Variants in LRP1B observed in about 807,000 individuals in gnomAD.
The protein encoded by LRP1B is low-density lipoprotein receptor-related protein 1B.
Under a neutral mutation model 556.6 loss-of-function variants are expected in LRP1B, and 217 were observed. The observed-to-expected ratio is 0.39, with a 90% CI of 0.35 to 0.44. The LOEUF (loss-of-function observed/expected upper bound fraction) is 0.44, where lower values mean the gene tolerates loss of function less well. Among genes scored for constraint, LRP1B ranks in the 20% least tolerant of loss-of-function variants. LRP1B has a pLI of 1.00. For missense variants in LRP1B, 5,053 were observed against 5,620.8 expected (o/e 0.90, Z 3.23); for synonymous variants, 2,047 against 1,865.8 (o/e 1.10, Z -2.50).
At chr2:140,367,556 T>G (rs1682818329) in intron 71 of LRP1B, among the ~76,000 whole-genome samples, 1 of 151,764 alleles carries the variant, frequency 6.6e-6, no homozygotes, top group African/African-American at 2.4e-5. Context: ...TATTTACAAT[T>G]AATCTCAATT....
chr2:140,391,718 C>T (rs1036231925), intron 66 of LRP1B, among the ~76,000 whole-genome samples: 3 of 152,024 alleles, frequency 2.0e-5, no homozygotes, highest in Admixed American at 6.6e-5. Flanking sequence ...AATTTAAGCT[C>T]CAGAATTTGA....
intron 7 of LRP1B, among the ~76,000 whole-genome samples, chr2:141,168,568 C>T (rs1469589248): frequency 6.6e-6 from 1 of 151,846 alleles, no homozygotes; most frequent in East Asian, 1.9e-4. Context: ...AAAGAAAAGA[C>T]CATGAAAGAA....
intron 43 of LRP1B, among the ~76,000 whole-genome samples, chr2:140,587,843 G>A (rs764935425): frequency 2.0e-4 from 30 of 152,064 alleles, no homozygotes; most frequent in East Asian, 3.9e-4. Context: ...TAATAGCAGC[G>A]AGGGGGAAAT....
At chr2:140,741,411 G>T (rs1380195208) in intron 35 of LRP1B, among the ~76,000 whole-genome samples, 1 of 152,060 alleles carries the variant, frequency 6.6e-6, no homozygotes, top group Non-Finnish European at 1.5e-5. Context: ...ACATGACTCT[G>T]AAGATGACAG....
intron 7 of LRP1B, among the ~76,000 whole-genome samples, chr2:141,130,653 TAGAAAA>T (rs1376805304): frequency 6.6e-6 from 1 of 152,072 alleles, no homozygotes; most frequent in Non-Finnish European, 1.5e-5. Context: ...CTGATTATAA[TAGAAAA>T]AGAAAAGATA....
In LRP1B at chr2:141,413,868, GGAGAGA is replaced by G. The variant is rs139239783; in HGVS notation, c.343+66522_343+66527del. Reference sequence around the variant, plus strand: ...TCTCCCAACCTGGGTGACACAGTGAGGAGAGAGAGAGAGAGAGAGAGAGACCATGAG... The same window carrying G: ...TCTCCCAACCTGGGTGACACAGTGAGGAGAGAGAGAGAGAGAGACCATGAG... On this transcript the variant is annotated intron_variant, in intron 3 of 90. Coordinates refer to ENST00000389484, the MANE Select transcript of LRP1B (RefSeq NM_018557.3). Among the ~76,000 whole-genome samples, 23 of 148,218 alleles carry G rather than the reference GGAGAGA, an allele frequency of 1.6e-4. 1 individual carries two copies. The highest frequency in any genetic ancestry group is 3.5e-3 in the Middle Eastern group (1 of 286).
At chr2:140,632,632 A>G (rs957075647) in intron 41 of LRP1B, among the ~76,000 whole-genome samples, 38 of 152,240 alleles carry the variant, frequency 2.5e-4, no homozygotes, top group Admixed American at 9.8e-4. Flanking sequence ...GACAAATTAC[A>G]ATATGGTACA....
At chr2:142,104,093 G>T (rs2104974683) in intron 1 of LRP1B, among the ~76,000 whole-genome samples, 1 of 152,200 alleles carries the variant, frequency 6.6e-6, no homozygotes, top group South Asian at 2.1e-4. Flanking sequence ...TTTCTTCCAA[G>T]AGGATATTTA....
intron 66 of LRP1B, among the ~76,000 whole-genome samples, chr2:140,426,315 A>T (rs1685650744): frequency 6.6e-6 from 1 of 152,238 alleles, no homozygotes; most frequent in Admixed American, 6.5e-5. Flanking sequence ...GAATTCTGAA[A>T]GAAAAAATGT....
chr2:141,047,246 G>C (rs1698902054), intron 11 of LRP1B, among the ~76,000 whole-genome samples: 1 of 151,938 alleles, frequency 6.6e-6, no homozygotes, highest in Admixed American at 6.6e-5. Context: ...AATTTAAAGT[G>C]AAAATCTTAA....
chr2:142,055,079 C>T (rs181401088), intron 1 of LRP1B, among the ~76,000 whole-genome samples: 213 of 152,132 alleles, frequency 1.4e-3, no homozygotes, highest in African/African-American at 4.9e-3. Flanking sequence ...ATGTCGGTAA[C>T]CATTCTAAGT....
chr2:141,061,431 G>A (rs1238971634), intron 8 of LRP1B, among the ~76,000 whole-genome samples: 1 of 151,638 alleles, frequency 6.6e-6, no homozygotes, highest in African/African-American at 2.4e-5. Flanking sequence ...AGTAAATAAG[G>A]CTGATTTCTA....
intron 1 of LRP1B, among the ~76,000 whole-genome samples, chr2:141,935,772 G>T (rs796074549): frequency 5.3e-5 from 8 of 152,246 alleles, no homozygotes; most frequent in African/African-American, 1.9e-4. Context: ...GATACTTATT[G>T]CAAGTGTTTT....
chr2:140,327,356 A>G (rs1292104264), intron 79 of LRP1B, among the ~76,000 whole-genome samples: 1 of 152,098 alleles, frequency 6.6e-6, no homozygotes, highest in Non-Finnish European at 1.5e-5. Context: ...TTGTTCCTCA[A>G]GTAATGTATA....
At chr2:141,365,822 G>A (rs553537613) in intron 3 of LRP1B, among the ~76,000 whole-genome samples, 136 of 151,678 alleles carry the variant, frequency 9.0e-4, no homozygotes, top group Middle Eastern at 3.4e-3. Flanking sequence ...ACAGGCACCC[G>A]CCACTACGCC....
chr2:141,919,757 A>C (rs1339217841), intron 1 of LRP1B, among the ~76,000 whole-genome samples: 1 of 152,084 alleles, frequency 6.6e-6, no homozygotes, highest in Non-Finnish European at 1.5e-5. Flanking sequence ...TTAGAACAAT[A>C]CGTAACATTT....
chr2:141,092,431 C>A (rs1700192049), intron 7 of LRP1B, among the ~76,000 whole-genome samples: 1 of 152,154 alleles, frequency 6.6e-6, no homozygotes, highest in African/African-American at 2.4e-5. Context: ...TGTTAAATAT[C>A]CAAATAGAAA....
At chr2:140,697,097 A>T (rs536142206) in intron 41 of LRP1B, among the ~76,000 whole-genome samples, 2 of 152,004 alleles carry the variant, frequency 1.3e-5, no homozygotes, top group South Asian at 4.2e-4. Flanking sequence ...GATGTTTCAA[A>T]CTCTTGGCCA....
At chr2:140,950,772 G>A (rs150623839) in intron 19 of LRP1B, among the ~76,000 whole-genome samples, 45 of 151,910 alleles carry the variant, frequency 3.0e-4, no homozygotes, top group Non-Finnish European at 5.6e-4. Context: ...GGTTATAGAC[G>A]TGAGCCACTG....
Sources: gnomAD v4.1 joint callset for allele counts (sites outside exome capture counted in the v4.1 genomes callset) on GRCh38, gnomAD v4.1.1 for gene constraint, MANE v1.5 for transcripts, NCBI Gene and HGNC (gene_info 2026-07-23, HGNC 2026-07-21) for gene names.